MTURN: variants seen among roughly 807,000 people sequenced by gnomAD.
MTURN encodes the protein maturin, neural progenitor differentiation regulator homolog.
A neutral mutation model predicts 14.9 loss-of-function variants in MTURN; 7 were observed. The ratio of observed to expected loss-of-function variants is 0.47; its 90% confidence interval spans 0.27 to 0.88. The LOEUF (loss-of-function observed/expected upper bound fraction) is 0.88. MTURN is among the 40% of genes least tolerant of loss of function. The pLI is 0.14. For synonymous variants in MTURN, 69 were observed against 72.5 expected (o/e 0.95, Z 0.25); for missense variants, 151 against 174.1 (o/e 0.87, Z 0.75).
At chr7:30,145,218 A>G (rs1321435560) in intron 1 of MTURN, among the ~76,000 whole-genome samples, 1 of 152,204 alleles carries the variant, frequency 6.6e-6, no homozygotes, top group Non-Finnish European at 1.5e-5. Context: ...CTTCAGAAAA[A>G]ATAAAACCTA....
At chr7:30,148,521 G>A (rs1469191492) in intron 2 of MTURN, among the ~76,000 whole-genome samples, 1 of 152,186 alleles carries the variant, frequency 6.6e-6, no homozygotes, top group South Asian at 2.1e-4. Context: ...GTTAGGGGAG[G>A]GACAGAGAGG....
At chr7:30,136,527 G>A (rs1334079578) in intron 1 of MTURN, among the ~76,000 whole-genome samples, 1 of 152,182 alleles carries the variant, frequency 6.6e-6, no homozygotes, top group Non-Finnish European at 1.5e-5. Context: ...GCCGCCGAGC[G>A]CCCTGACCAC....
chr7:30,146,998 C>T (rs904123740), intron 2 of MTURN, among the ~76,000 whole-genome samples: 1 of 152,180 alleles, frequency 6.6e-6, no homozygotes, highest in African/African-American at 2.4e-5. Context: ...CGATTCCCTG[C>T]CCACTGTAAA....
At position 30,161,383 on chromosome 7, in the gene MTURN, A is replaced by G. The variant is rs143960431; in HGVS notation, c.*3835A>G. ...GGAACTGACTGTATGTTGAGAGGCA[A>G]TGCCTTGTGTTGGCATGGCTTTGCC... On this transcript the variant is annotated 3_prime_UTR_variant, in exon 3 of 3. Transcript: ENST00000324453. 66 of 152,328 alleles carry G rather than the reference A, an allele frequency of 4.3e-4. No individual in the cohort carries two copies. The highest frequency in any genetic ancestry group is 1.5e-3 in the African/African-American group (61 of 41,572). The allele number at this position is 152,328 out of a possible 1,614,324, so 9.4% of individuals were successfully genotyped here. A position where few individuals can be genotyped will look rare whatever the true frequency, so the allele number is the denominator to read the frequency against.
intron 2 of MTURN, among the ~76,000 whole-genome samples, chr7:30,150,296 C>G (rs1272768291): frequency 1.3e-5 from 2 of 152,114 alleles, no homozygotes; most frequent in South Asian, 2.1e-4. Flanking sequence ...TGGGGGGAAC[C>G]TTAGATTATT....
At chr7:30,153,426 A>G (rs1315294727) in intron 2 of MTURN, among the ~76,000 whole-genome samples, 1 of 152,196 alleles carries the variant, frequency 6.6e-6, no homozygotes. Context: ...AGCGGAAAAC[A>G]TTGAAACCTC....
chr7:30,138,244 T>C (rs1796996399), intron 1 of MTURN, among the ~76,000 whole-genome samples: 1 of 152,184 alleles, frequency 6.6e-6, no homozygotes, highest in South Asian at 2.1e-4. Flanking sequence ...GCCTCTCCAG[T>C]AGCTGGGATT....
intron 1 of MTURN, chr7:30,137,305 C>G (rs569722046): frequency 4.4e-6 from 1 of 226,824 alleles, no homozygotes; most frequent in African/African-American, 2.3e-5. Context: ...GAAGCCCACA[C>G]AGCCTTCCTG....
intron 1 of MTURN, among the ~76,000 whole-genome samples, chr7:30,141,780 C>G (rs1183946207): frequency 6.6e-6 from 1 of 152,186 alleles, no homozygotes; most frequent in Non-Finnish European, 1.5e-5. Flanking sequence ...GCCTTGGCCT[C>G]CCACAATGTT....
At chr7:30,135,633 G>A (rs1290156247) in intron 1 of MTURN, among the ~76,000 whole-genome samples, 2 of 152,264 alleles carry the variant, frequency 1.3e-5, no homozygotes, top group South Asian at 4.1e-4. Flanking sequence ...CGTGCGCGGT[G>A]CCTGGCATGG....
intron 1 of MTURN, chr7:30,141,429 A>G (rs1206370180): frequency 6.6e-6 from 1 of 151,856 alleles, no homozygotes; most frequent in Admixed American, 6.6e-5. Context: ...AAAAAAAAAA[A>G]AAAAGAGAAA....
chr7:30,142,064 CA>C (rs1334471479), intron 1 of MTURN, among the ~76,000 whole-genome samples: 1 of 152,152 alleles, frequency 6.6e-6, no homozygotes, highest in African/African-American at 2.4e-5. Flanking sequence ...TGTGCTCCCC[CA>C]AAAATGTCTG....
rs1797372669 is a variant in MTURN at position 30,161,424 on chromosome 7, C to G, written c.*3876C>G. The G allele has an allele frequency of 6.6e-6, 1 of 152,194 alleles. No individual in the cohort carries two copies. The highest frequency in any genetic ancestry group is 2.1e-4 in the South Asian group (1 of 4,820). 9.4% of individuals were successfully genotyped at this position (152,194 alleles called of 1,614,324 possible). ...TGGCTTTGCCACTTTAAAAGTGCCC[C>G]CCAGCCAAGGAGACCAACAGGAACC... On this transcript the variant is annotated 3_prime_UTR_variant, in exon 3 of 3. Coordinates refer to ENST00000324453, the MANE Select transcript of MTURN (RefSeq NM_152793.3).
chr7:30,161,216 G>A lies in MTURN; in HGVS notation c.*3668G>A, dbSNP rs569844315. 1 of 152,646 alleles carries A rather than the reference G, an allele frequency of 6.6e-6. No individual in the cohort carries two copies. The highest frequency in any genetic ancestry group is 2.4e-5 in the African/African-American group (1 of 41,568). 9.5% of individuals were successfully genotyped at this position (152,646 alleles called of 1,614,324 possible). On this transcript the variant is annotated 3_prime_UTR_variant, in exon 3 of 3. Transcript: ENST00000324453. The stretch of plus-strand genomic sequence containing the variant: ...CTGATTTCTTACAGAGAGGCATGAA[G>A]GAATAGGCAGGACTTAACTTGGGGT...
chr7:30,148,549 G>A (rs1178064808), intron 2 of MTURN, among the ~76,000 whole-genome samples: 1 of 152,238 alleles, frequency 6.6e-6, no homozygotes, highest in Admixed American at 6.5e-5. Flanking sequence ...GGCCATTGCT[G>A]TCATCCAGGT....
chr7:30,155,995 T>C (rs1039807865), intron 2 of MTURN, among the ~76,000 whole-genome samples: 1 of 152,154 alleles, frequency 6.6e-6, no homozygotes, highest in Non-Finnish European at 1.5e-5. Context: ...GTGCTTGAAA[T>C]TGATGGCCCT....
At chr7:30,138,743 T>C (rs2128029904) in intron 1 of MTURN, among the ~76,000 whole-genome samples, 1 of 152,136 alleles carries the variant, frequency 6.6e-6, no homozygotes, top group East Asian at 1.9e-4. Flanking sequence ...TGAATTGACT[T>C]CCCATCTTTT....
chr7:30,144,987 A>G (rs1307938206), intron 1 of MTURN, among the ~76,000 whole-genome samples: 3 of 130,278 alleles, frequency 2.3e-5, no homozygotes, highest in Non-Finnish European at 4.6e-5. Context: ...CGTCCCCACT[A>G]AAGAGTGATT....
At chr7:30,142,101 G>A (rs1038883691) in intron 1 of MTURN, among the ~76,000 whole-genome samples, 4 of 152,196 alleles carry the variant, frequency 2.6e-5, no homozygotes, top group Non-Finnish European at 1.5e-5. Flanking sequence ...TTAATGACTG[G>A]AGACCACTTT....
Sources: allele counts gnomAD v4.1 joint callset (sites outside exome capture counted in the v4.1 genomes callset), GRCh38; gene constraint gnomAD v4.1.1; transcripts MANE v1.5; gene names NCBI Gene and HGNC (gene_info 2026-07-23, HGNC 2026-07-21).